Variants in NRXN1 observed in about 807,000 individuals in gnomAD.
The protein encoded by NRXN1 is neurexin 1.
NRXN1 carries 39 observed loss-of-function variants against 150.9 expected under a neutral mutation model. That is an observed-to-expected ratio of 0.26 (90% CI 0.20 to 0.34). The LOEUF (loss-of-function observed/expected upper bound fraction) is 0.34. NRXN1 is among the 10% of genes least tolerant of loss of function. NRXN1 has a pLI of 1.00. For synonymous variants in NRXN1, 924 were observed against 757.0 expected (o/e 1.22, Z -3.62); for missense variants, 1,815 against 1,949.9 (o/e 0.93, Z 1.30).
intron 2 of NRXN1, among the ~76,000 whole-genome samples, chr2:50,987,981 T>G (rs1041974051): frequency 1.3e-5 from 2 of 151,982 alleles, no homozygotes; most frequent in Non-Finnish European, 2.9e-5. Context: ...TTCACTATAT[T>G]CTATTCAATT....
At chr2:49,976,017 ATTTTTTTTT>A (rs10597958) in intron 21 of NRXN1, among the ~76,000 whole-genome samples, 6 of 91,476 alleles carry the variant, frequency 6.6e-5, no homozygotes, top group South Asian at 4.0e-4. Flanking sequence ...ATGCGGAAGA[ATTTTTTTTT>A]TTTTTTTTTT....
chr2:50,103,679 T>C (rs560539351), intron 18 of NRXN1, among the ~76,000 whole-genome samples: 1 of 152,068 alleles, frequency 6.6e-6, no homozygotes, highest in Non-Finnish European at 1.5e-5. Context: ...CGTTTTGAAC[T>C]TGAGATAAAA....
At chr2:50,368,103 G>C (rs761107002) in intron 17 of NRXN1, among the ~76,000 whole-genome samples, 28 of 151,910 alleles carry the variant, frequency 1.8e-4, no homozygotes, top group Non-Finnish European at 3.2e-4. Context: ...AGTCCTCAAA[G>C]GTCCTGATAA....
At chr2:50,656,604 T>A (rs1686503192) in intron 5 of NRXN1, among the ~76,000 whole-genome samples, 2 of 152,014 alleles carry the variant, frequency 1.3e-5, no homozygotes, top group Admixed American at 1.3e-4. Flanking sequence ...TCTTGGCTAT[T>A]CATTCCTGAA....
At chr2:50,428,659 A>G (rs1236258308) in intron 17 of NRXN1, among the ~76,000 whole-genome samples, 6 of 152,226 alleles carry the variant, frequency 3.9e-5, no homozygotes, top group Admixed American at 2.6e-4. Context: ...TAGCTTTGCT[A>G]ACTGTCTAAT....
rs548301814 is a variant in NRXN1 at position 50,801,054 on chromosome 2, G to A, written c.832+120815C>T. 9.2e-5 allele frequency among the ~76,000 whole-genome samples: 14 copies of A among 151,926 alleles called. No individual in the cohort carries two copies. The South Asian group carries it at 2.5e-3, about 27-fold the overall frequency. On this transcript the variant is annotated intron_variant, in intron 5 of 22. Coordinates refer to ENST00000401669, the MANE Select transcript of NRXN1 (RefSeq NM_001330078.2). ...CTAATTTAATTGCATAATTTTCTAC[G>A]TAGCAAAGTTATTTTTTTCCAATTT... is the stretch of plus-strand genomic sequence containing the variant.
chr2:50,306,416 G>T, intron 17 of NRXN1, among the ~76,000 whole-genome samples: 1 of 152,292 alleles, frequency 6.6e-6, no homozygotes, highest in South Asian at 2.1e-4. Context: ...TGTACACACT[G>T]AGCCTTTTGT....
intron 5 of NRXN1, among the ~76,000 whole-genome samples, chr2:50,700,830 G>C (rs1335732849): frequency 1.3e-5 from 2 of 151,094 alleles, no homozygotes; most frequent in Non-Finnish European, 2.9e-5. Context: ...GAGACGCCCG[G>C]CTAATTTTTG....
At chr2:50,855,396 ACTTGT>A (rs2105998543) in intron 5 of NRXN1, among the ~76,000 whole-genome samples, 1 of 152,156 alleles carries the variant, frequency 6.6e-6, no homozygotes, top group African/African-American at 2.4e-5. Flanking sequence ...AATTCCACTG[ACTTGT>A]CCAGAATTAC....
intron 5 of NRXN1, among the ~76,000 whole-genome samples, chr2:50,828,179 C>T (rs1670763021): frequency 6.7e-6 from 1 of 150,282 alleles, no homozygotes. Context: ...CCAGTAGGGG[C>T]GGCCGGGCAG....
intron 21 of NRXN1, among the ~76,000 whole-genome samples, chr2:50,012,116 C>T (rs1685773802): frequency 6.6e-6 from 1 of 151,988 alleles, no homozygotes; most frequent in South Asian, 2.1e-4. Context: ...AGGTTGGTAA[C>T]AACAATAATG....
intron 21 of NRXN1, among the ~76,000 whole-genome samples, chr2:49,967,757 T>C (rs1031323720): frequency 1.3e-5 from 2 of 152,076 alleles, no homozygotes; most frequent in Non-Finnish European, 2.9e-5. Flanking sequence ...TCTCTTGCAA[T>C]TGAAATCTTA....
At chr2:50,900,877 G>C (rs1682841181) in intron 5 of NRXN1, among the ~76,000 whole-genome samples, 1 of 152,148 alleles carries the variant, frequency 6.6e-6, no homozygotes, top group African/African-American at 2.4e-5. Context: ...TAGAAAGGAA[G>C]AGATGGTTCT....
chr2:50,250,889 T>C (rs1199162031), intron 17 of NRXN1, among the ~76,000 whole-genome samples: 1 of 151,284 alleles, frequency 6.6e-6, no homozygotes, highest in African/African-American at 2.4e-5. Context: ...AGATATTGTA[T>C]TACATATGTA....
chr2:50,237,560 G>C (rs576529850), intron 17 of NRXN1, among the ~76,000 whole-genome samples: 7 of 151,676 alleles, frequency 4.6e-5, no homozygotes, highest in African/African-American at 1.7e-4. Flanking sequence ...GTCAGGTTTT[G>C]TTTAACAAGC....
intron 17 of NRXN1, among the ~76,000 whole-genome samples, chr2:50,265,834 A>C (rs906724143): frequency 1.3e-5 from 2 of 152,114 alleles, no homozygotes; most frequent in African/African-American, 4.8e-5. Flanking sequence ...ACATTTAGAA[A>C]TAATTTCTTT....
At chr2:50,700,705 C>T (rs1693611201) in intron 5 of NRXN1, among the ~76,000 whole-genome samples, 2 of 48,700 alleles carry the variant, frequency 4.1e-5, no homozygotes, top group Non-Finnish European at 6.8e-5. Context: ...AAAGATTGAC[C>T]ATATTTATTG....
chr2:50,095,798 T>G (rs1018547567), intron 18 of NRXN1, among the ~76,000 whole-genome samples: 25 of 151,232 alleles, frequency 1.7e-4, no homozygotes, highest in African/African-American at 6.1e-4. Flanking sequence ...ATATATTTTT[T>G]TATTATACTT....
intron 12 of NRXN1, chr2:50,526,625 T>C (rs2092959041): frequency 6.6e-6 from 1 of 152,182 alleles, no homozygotes; most frequent in Admixed American, 6.5e-5. Flanking sequence ...AGGTGAGTCT[T>C]TTTTATGGAA....
Sources: allele counts gnomAD v4.1 joint callset (sites outside exome capture counted in the v4.1 genomes callset), GRCh38; gene constraint gnomAD v4.1.1; transcripts MANE v1.5; gene names NCBI Gene and HGNC (gene_info 2026-07-23, HGNC 2026-07-21).